AGBL1: variants seen among roughly 807,000 people sequenced by gnomAD.
AGBL1 encodes the protein cytosolic carboxypeptidase 4.
AGBL1 carries 130 observed loss-of-function variants against 118.9 expected under a neutral mutation model. The observed-to-expected ratio is 1.09, with a 90% CI of 0.95 to 1.26. The LOEUF (loss-of-function observed/expected upper bound fraction) is 1.26. Ranked by LOEUF, AGBL1 falls within the 50% of genes most tolerant of loss-of-function variation. The pLI is 0.00. For missense variants in AGBL1, 1,584 were observed against 1,298.1 expected (o/e 1.22, Z -3.38); for synonymous variants, 555 against 478.9 (o/e 1.16, Z -2.08).
At position 86,565,836 on chromosome 15, in the gene AGBL1, G is replaced by A. The variant is rs887896206; in HGVS notation, c.2994+11299G>A. On this transcript the variant is annotated intron_variant, in intron 21 of 22. Coordinates refer to ENST00000614907, the MANE Select transcript of AGBL1 (RefSeq NM_001386094.1). The stretch of plus-strand genomic sequence containing the variant: ...TACTCAAGCCTCAGCAATGGTGGGT[G>A]CCCCTCCCCCAGCCTCGCTGCTGCC... 1.6e-4 allele frequency among the ~76,000 whole-genome samples: 25 copies of A among 152,224 alleles called. 1 individual carries two copies. Among genetic ancestry groups the A allele is most frequent in the African/African-American group, 6.0e-4 (25 of 41,462 alleles).
chr15:86,234,636 G>A (rs990323580), intron 6 of AGBL1, among the ~76,000 whole-genome samples: 2 of 151,474 alleles, frequency 1.3e-5, no homozygotes, highest in Non-Finnish European at 2.9e-5. Flanking sequence ...TGGAAAGACT[G>A]TGTAGAGTTG....
At chr15:86,901,076 G>C (rs2080205452) in intron 22 of AGBL1, among the ~76,000 whole-genome samples, 1 of 152,060 alleles carries the variant, frequency 6.6e-6, no homozygotes, top group Non-Finnish European at 1.5e-5. Context: ...CCAGTGGTGA[G>C]GATTTTGTTT....
chr15:87,004,302 A>G (rs1162103375), intron 24 of AGBL1, among the ~76,000 whole-genome samples: 1 of 152,066 alleles, frequency 6.6e-6, no homozygotes, highest in Non-Finnish European at 1.5e-5. Context: ...AGACTCCCAC[A>G]CAATTATAGT....
rs541719930 is a variant in AGBL1 at position 86,108,725 on chromosome 15, G to A, written c.51+28702G>A. On this transcript the variant is annotated intron_variant, in intron 1 of 22. Coordinates refer to ENST00000614907, the MANE Select transcript of AGBL1 (RefSeq NM_001386094.1). ...TATAATCCCAGCACTTTGGGAGGCC[G>A]AGACGGGCGGATCACGAGGTCAAGA... 6.6e-5 allele frequency among the ~76,000 whole-genome samples: 10 copies of A among 152,312 alleles called. No homozygotes were observed. The South Asian group carries it at 1.0e-3, about 16-fold the overall frequency.
At chr15:86,413,463 A>T (rs1358127742) in intron 18 of AGBL1, among the ~76,000 whole-genome samples, 1 of 152,178 alleles carries the variant, frequency 6.6e-6, no homozygotes, top group Non-Finnish European at 1.5e-5. Flanking sequence ...TGTCTTCCAT[A>T]GGGATAATAA....
chr15:86,204,744 C>T (rs909055323), intron 5 of AGBL1, among the ~76,000 whole-genome samples: 1 of 152,134 alleles, frequency 6.6e-6, no homozygotes, highest in African/African-American at 2.4e-5. Flanking sequence ...CGTGCACCAC[C>T]ATGCCCAGCT....
chr15:86,641,184 C>T (rs573052518), intron 21 of AGBL1, among the ~76,000 whole-genome samples: 4 of 151,926 alleles, frequency 2.6e-5, no homozygotes, highest in Non-Finnish European at 5.9e-5. Context: ...ATGTTTTTGA[C>T]ATGTAAATAT....
intron 16 of AGBL1, among the ~76,000 whole-genome samples, chr15:86,289,276 C>A (rs1332985401): frequency 1.3e-5 from 2 of 152,150 alleles, no homozygotes; most frequent in Non-Finnish European, 2.9e-5. Flanking sequence ...ATTTTCCATG[C>A]CTCACCGCTG....
intron 22 of AGBL1, among the ~76,000 whole-genome samples, chr15:86,858,486 G>GTGTT (rs2079517054): frequency 6.6e-6 from 1 of 151,952 alleles, no homozygotes; most frequent in Non-Finnish European, 1.5e-5. Flanking sequence ...GTGTGTGTGT[G>GTGTT]TGTGTGTGTG....
intron 5 of AGBL1, among the ~76,000 whole-genome samples, chr15:86,161,851 T>C (rs1809035715): frequency 1.3e-5 from 2 of 152,258 alleles, no homozygotes; most frequent in South Asian, 4.1e-4. Flanking sequence ...CCTTGGCGAG[T>C]CATTTAACTT....
At chr15:86,512,290 T>C (rs2083061432) in intron 18 of AGBL1, among the ~76,000 whole-genome samples, 1 of 151,998 alleles carries the variant, frequency 6.6e-6, no homozygotes, top group Non-Finnish European at 1.5e-5. Context: ...TTTTCTAATA[T>C]ATTTCTAAGG....
At chr15:86,151,031 T>A (rs1261336745) in intron 3 of AGBL1, among the ~76,000 whole-genome samples, 1 of 151,988 alleles carries the variant, frequency 6.6e-6, no homozygotes, top group Non-Finnish European at 1.5e-5. Context: ...GAAATCATCA[T>A]TCTCAGTAAA....
At chr15:86,937,180 G>A (rs759382890) in intron 23 of AGBL1, among the ~76,000 whole-genome samples, 9 of 152,276 alleles carry the variant, frequency 5.9e-5, no homozygotes, top group African/African-American at 1.7e-4. Flanking sequence ...GTGGAGTAAC[G>A]GGAACACTTA....
chr15:86,498,494 G>C (rs1389148572), intron 18 of AGBL1, among the ~76,000 whole-genome samples: 2 of 151,848 alleles, frequency 1.3e-5, no homozygotes, highest in Admixed American at 1.3e-4. Context: ...TGTTCACTAT[G>C]TTACCATATT....
chr15:86,743,139 G>A (rs2077703380), intron 22 of AGBL1, among the ~76,000 whole-genome samples: 1 of 151,996 alleles, frequency 6.6e-6, no homozygotes, highest in South Asian at 2.1e-4. Flanking sequence ...AGACACCCAA[G>A]TTATATTTTT....
At chr15:86,381,732 G>A (rs1461625589) in intron 17 of AGBL1, among the ~76,000 whole-genome samples, 1 of 152,138 alleles carries the variant, frequency 6.6e-6, no homozygotes, top group Non-Finnish European at 1.5e-5. Context: ...CAAGAAGAGA[G>A]GGCGTGAGAG....
At chr15:86,467,377 A>T (rs2082420887) in intron 18 of AGBL1, among the ~76,000 whole-genome samples, 1 of 152,212 alleles carries the variant, frequency 6.6e-6, no homozygotes, top group Non-Finnish European at 1.5e-5. Flanking sequence ...GGCAGCAAGA[A>T]TTTCAAGCCA....
intron 23 of AGBL1, among the ~76,000 whole-genome samples, chr15:86,960,561 T>G (rs989372551): frequency 2.0e-5 from 3 of 151,860 alleles, no homozygotes. Context: ...GTATAGAGAT[T>G]CAACAAAAAA....
At chr15:86,792,392 A>G (rs1596485114) in intron 22 of AGBL1, among the ~76,000 whole-genome samples, 1 of 152,178 alleles carries the variant, frequency 6.6e-6, no homozygotes. Context: ...TAGTATTTGG[A>G]AAGTGTCATT....
Sources: allele counts gnomAD v4.1 joint callset (sites outside exome capture counted in the v4.1 genomes callset), GRCh38; gene constraint gnomAD v4.1.1; transcripts MANE v1.5; gene names NCBI Gene and HGNC (gene_info 2026-07-23, HGNC 2026-07-21).